Variants in TRAF5 observed in about 807,000 individuals in gnomAD.
The protein encoded by TRAF5 is TNF receptor associated factor 5.
A neutral mutation model predicts 64.5 loss-of-function variants in TRAF5; 48 were observed. The observed-to-expected ratio is 0.74, with a 90% confidence interval of 0.59 to 0.95. The LOEUF (loss-of-function observed/expected upper bound fraction) is 0.95. TRAF5 is among the 40% of genes least tolerant of loss of function. TRAF5 has a pLI of 0.00. For synonymous variants in TRAF5, 206 were observed against 240.5 expected (o/e 0.86, Z 1.33); for missense variants, 545 against 662.8 (o/e 0.82, Z 1.95).
At chr1:211,365,543 T>C in intron 8 of TRAF5, 75 bp downstream of exon 8, 3 of 1,200,324 alleles carry the variant, frequency 2.5e-6, no homozygotes, top group Non-Finnish European at 3.6e-6. Context: ...GCTGGTATTT[T>C]TCTATTCTCC....
chr1:211,374,825 T>C lies in TRAF5; in HGVS notation c.*2123T>C, dbSNP rs936003382. ...GTGTTTTATCCAACTTTTGTGCATA[T>C]ATATAAAGTATGTCATGGCATGGTT... On this transcript the variant is annotated 3_prime_UTR_variant, in exon 11 of 11. Transcript: ENST00000261464. The C allele has an allele frequency of 6.6e-6, 1 of 152,238 alleles. No homozygotes were observed. The highest frequency in any genetic ancestry group is 1.5e-5 in the Non-Finnish European group (1 of 68,038). The allele number at this position is 152,238 out of a possible 1,614,324, so 9.4% of individuals were successfully genotyped here.
At chr1:211,346,813 A>G (rs1702621762) in intron 1 of TRAF5, among the ~76,000 whole-genome samples, 1 of 152,252 alleles carries the variant, frequency 6.6e-6, no homozygotes, top group Non-Finnish European at 1.5e-5. Context: ...TAAGTAAAGA[A>G]TGTAAATGGT....
intron 1 of TRAF5, 126 bp downstream of exon 1, chr1:211,327,015 G>C (rs1017470849): frequency 5.9e-6 from 5 of 841,936 alleles, no homozygotes; most frequent in Non-Finnish European, 7.2e-6. Context: ...GCGTCCGGCC[G>C]GTCCCCGACC....
In TRAF5 at chr1:211,353,302, C is replaced by G. The variant is rs1702853457; in HGVS notation, c.63C>G (p.Asn21Lys). 6.2e-7 allele frequency: 1 copy of G among 1,614,260 alleles called. No individual in the cohort carries two copies. The highest frequency in any genetic ancestry group is 8.5e-7 in the Non-Finnish European group (1 of 1,180,048). The change falls in exon 2 of 11, where the codon AAC (asparagine) becomes AAG (lysine). Residue 21 changes from asparagine to lysine, a missense_variant. Transcript: ENST00000261464. ...PCGFIRQNSG[N>K]SISLDFEPSI... is the part of the protein sequence containing the mutation. ...GTTTCATCCGCCAGAATTCCGGCAACTCCATTTCCTTGGACTTTGAGCCCA... is the reference window on the plus strand; with the variant it reads ...GTTTCATCCGCCAGAATTCCGGCAAGTCCATTTCCTTGGACTTTGAGCCCA...
chr1:211,331,013 TCAGAAG>T (rs1486865950), intron 1 of TRAF5, among the ~76,000 whole-genome samples: 1 of 152,232 alleles, frequency 6.6e-6, no homozygotes, highest in East Asian at 1.9e-4. Context: ...CCATGATGTT[TCAGAAG>T]CACCTTAGAC....
upstream of TRAF5, chr1:211,326,797 CTCGCCTCCGCT>C (rs1702024688): frequency 7.1e-6 from 7 of 984,142 alleles, no homozygotes; most frequent in Non-Finnish European, 7.2e-6. The surrounding 1 kb of genome is among the most constrained non-coding windows in gnomAD (Gnocchi z 5.0). Context: ...CGCCCCAGGC[CTCGCCTCCGCT>C]TCGCCGCCGC....
chr1:211,348,342 T>C (rs190102616), intron 1 of TRAF5, among the ~76,000 whole-genome samples: 86 of 152,326 alleles, frequency 5.6e-4, no homozygotes, highest in African/African-American at 2.0e-3. Context: ...GTAAATACTT[T>C]TAAAATTCCT....
intron 1 of TRAF5, among the ~76,000 whole-genome samples, chr1:211,333,883 TCAAAA>T (rs1702224825): frequency 6.6e-6 from 1 of 152,162 alleles, no homozygotes; most frequent in African/African-American, 2.4e-5. Flanking sequence ...TGCCTCCTGT[TCAAAA>T]CCATTAATCC....
intron 7 of TRAF5, among the ~76,000 whole-genome samples, chr1:211,363,222 C>T (rs1703242894): frequency 6.6e-6 from 1 of 152,106 alleles, no homozygotes; most frequent in Non-Finnish European, 1.5e-5. Flanking sequence ...TTAAGTTATA[C>T]AGTGATTTCA....
At chr1:211,367,060 TA>T (rs1224770566) in intron 8 of TRAF5, among the ~76,000 whole-genome samples, 1 of 152,108 alleles carries the variant, frequency 6.6e-6, no homozygotes, top group Non-Finnish European at 1.5e-5. Flanking sequence ...GGACTGTCTG[TA>T]ATCTCTGCCT....
Position 211,326,976 on chromosome 1 carries a change from A to G in TRAF5, c.-2+87A>G, listed in dbSNP as rs1161222259. ...CGACGAGCGCTTTTCATCTCGTCCC[A>G]GTTACTTTGAAACCGAAAGCGCCTG... On this transcript the variant is annotated intron_variant, in intron 1 of 10. Coordinates refer to ENST00000261464, the MANE Select transcript of TRAF5 (RefSeq NM_001033910.3). This position sits in a 1 kb window ranked among gnomAD's most constrained non-coding sequence, Gnocchi z 5.0. The G allele has an allele frequency of 2.1e-6, 2 of 959,336 alleles. No individual in the cohort carries two copies. The highest frequency in any genetic ancestry group is 3.5e-5 in the African/African-American group (2 of 56,626). 59.4% of individuals were successfully genotyped at this position (959,336 alleles called of 1,614,324 possible).
intron 1 of TRAF5, among the ~76,000 whole-genome samples, chr1:211,331,895 G>A (rs1351978209): frequency 6.6e-6 from 1 of 152,198 alleles, no homozygotes; most frequent in Non-Finnish European, 1.5e-5. Context: ...TCAAACTCCT[G>A]ACCTCAGGTG....
At chr1:211,358,147 C>T (rs1703028264) in intron 4 of TRAF5, 1 of 152,164 alleles carries the variant, frequency 6.6e-6, no homozygotes, top group Admixed American at 6.5e-5. Flanking sequence ...TGCAGTGATT[C>T]AAAGGTTTTC....
At chr1:211,354,079 C>T (rs1000156736) in intron 2 of TRAF5, among the ~76,000 whole-genome samples, 2 of 152,218 alleles carry the variant, frequency 1.3e-5, no homozygotes, top group Non-Finnish European at 2.9e-5. Flanking sequence ...CAATGTGGAA[C>T]AGGACCCCAT....
chr1:211,337,346 G>A (rs1174508255), intron 1 of TRAF5, among the ~76,000 whole-genome samples: 1 of 152,136 alleles, frequency 6.6e-6, no homozygotes, highest in East Asian at 1.9e-4. Context: ...GCAAGCAGAA[G>A]CCTCTTCTGC....
chr1:211,354,382 C>T (rs374984411), intron 2 of TRAF5, 28 bp from the exon 3 acceptor site: 54 of 1,611,974 alleles, frequency 3.3e-5, no homozygotes, highest in Non-Finnish European at 4.2e-5. Flanking sequence ...ACAACTAACT[C>T]TGGCTCCATT....
intron 1 of TRAF5, among the ~76,000 whole-genome samples, chr1:211,328,419 A>T (rs1403361430): frequency 2.0e-5 from 3 of 152,242 alleles, no homozygotes; most frequent in Non-Finnish European, 4.4e-5. Context: ...AGCATCTGGA[A>T]CATGGGAAGT....
intron 1 of TRAF5, among the ~76,000 whole-genome samples, chr1:211,332,135 C>G (rs1266055189): frequency 1.3e-5 from 2 of 152,106 alleles, no homozygotes; most frequent in Non-Finnish European, 2.9e-5. Context: ...GGCTGGGGCC[C>G]CATGGACCAG....
At chr1:211,354,717 C>T (rs1414819323) in intron 3 of TRAF5, among the ~76,000 whole-genome samples, 1 of 152,196 alleles carries the variant, frequency 6.6e-6, no homozygotes, top group East Asian at 1.9e-4. Flanking sequence ...CCTTCCTACA[C>T]TGGCTCCAGC....
Sources: allele counts gnomAD v4.1 joint callset (sites outside exome capture counted in the v4.1 genomes callset), GRCh38; gene constraint gnomAD v4.1.1; non-coding constraint Gnocchi (gnomAD v3.1); transcripts MANE v1.5; gene names NCBI Gene and HGNC (gene_info 2026-07-23, HGNC 2026-07-21).